Variants in ANO10 observed in about 807,000 individuals in gnomAD.
The protein encoded by ANO10 is anoctamin-10.
Under a neutral mutation model 74.7 loss-of-function variants are expected in ANO10, and 77 were observed. The ratio of observed to expected loss-of-function variants is 1.03; its 90% CI spans 0.86 to 1.25. The LOEUF (loss-of-function observed/expected upper bound fraction) is 1.25, where lower values mean the gene tolerates loss of function less well. Ranked by LOEUF, ANO10 falls within the 50% of genes most tolerant of loss-of-function variation. ANO10 has a pLI of 0.00. For synonymous variants in ANO10, 279 were observed against 284.9 expected (o/e 0.98, Z 0.21); for missense variants, 721 against 778.1 (o/e 0.93, Z 0.87).
At chr3:43,555,572 CAA>C in intron 9 of ANO10, 103 bp from the exon 10 acceptor site, 4 of 1,189,350 alleles carry the variant, frequency 3.4e-6, no homozygotes, top group Non-Finnish European at 4.8e-6. Flanking sequence ...AAAAAAACCT[CAA>C]AGAGTTTCCC....
rs546655717 is a variant in ANO10 at position 43,567,322 on chromosome 3, A to T, written c.1219-1595T>A. 1.7e-4 allele frequency among the ~76,000 whole-genome samples: 26 copies of T among 151,656 alleles called. No individual in the cohort carries two copies. In the East Asian group the frequency reaches 4.3e-3, roughly 25 times the overall value. On this transcript the variant is annotated intron_variant, in intron 7 of 12. Coordinates refer to ENST00000292246, the MANE Select transcript of ANO10 (RefSeq NM_018075.5). ...GGCAGGCCAACGTTCAGATTCAGGA[A>T]ATACAGAGAACGCCACAAAGATACT...
intron 7 of ANO10, among the ~76,000 whole-genome samples, chr3:43,566,192 C>T (rs989084487): frequency 2.0e-5 from 3 of 152,158 alleles, no homozygotes; most frequent in African/African-American, 4.8e-5. Flanking sequence ...CCTACGCCCA[C>T]GGAGTCTCGC....
chr3:43,390,523 C>G (rs1229748790), intron 12 of ANO10, among the ~76,000 whole-genome samples: 1 of 152,224 alleles, frequency 6.6e-6, no homozygotes, highest in Non-Finnish European at 1.5e-5. Context: ...GCCACATCTT[C>G]TATGAAGCCT....
intron 1 of ANO10, among the ~76,000 whole-genome samples, chr3:43,661,051 G>A (rs990275569): frequency 6.6e-6 from 1 of 152,120 alleles, no homozygotes; most frequent in Non-Finnish European, 1.5e-5. Flanking sequence ...GATATACAGA[G>A]ACCACTACAA....
intron 1 of ANO10, among the ~76,000 whole-genome samples, chr3:43,666,611 C>A (rs1270179052): frequency 1.3e-5 from 2 of 152,112 alleles, no homozygotes; most frequent in African/African-American, 4.8e-5. Context: ...TATCAATATT[C>A]TCAGTCCATT....
chr3:43,528,897 T>C (rs1252315026), intron 11 of ANO10, among the ~76,000 whole-genome samples: 3 of 151,298 alleles, frequency 2.0e-5, no homozygotes, highest in African/African-American at 7.3e-5. Flanking sequence ...AAGGTGGAGG[T>C]TGCAGTGAGC....
intron 1 of ANO10, among the ~76,000 whole-genome samples, chr3:43,648,785 T>C (rs986507228): frequency 6.6e-6 from 1 of 151,880 alleles, no homozygotes; most frequent in South Asian, 2.1e-4. Context: ...CACGCCATTC[T>C]TCTGCCTCAG....
chr3:43,481,272 C>G (rs2076259540), intron 11 of ANO10, among the ~76,000 whole-genome samples: 1 of 152,096 alleles, frequency 6.6e-6, no homozygotes, highest in South Asian at 2.1e-4. Context: ...ATATGAATTA[C>G]TTTTATAAAA....
intron 12 of ANO10, among the ~76,000 whole-genome samples, chr3:43,376,205 G>T (rs2125685622): frequency 1.3e-5 from 2 of 152,326 alleles, no homozygotes; most frequent in Admixed American, 1.3e-4. Context: ...AAATTATTCA[G>T]GAACAAGAAA....
chr3:43,679,877 G>A (rs1208237535), intron 1 of ANO10, among the ~76,000 whole-genome samples: 1 of 152,122 alleles, frequency 6.6e-6, no homozygotes, highest in East Asian at 1.9e-4. Flanking sequence ...GCAGCTGAGG[G>A]TCCTGTTAGA....
In ANO10 at chr3:43,583,608, C is replaced by T. The variant is rs772677050; in HGVS notation, c.473-3136G>A. On this transcript the variant is annotated intron_variant, in intron 4 of 12. Coordinates refer to ENST00000292246, the MANE Select transcript of ANO10 (RefSeq NM_018075.5). ...AGTAAAAGCAAAATCCCTCTCATAA[C>T]GCCTTACAGCATTTCTGTGGGACAG... 9.2e-5 allele frequency among the ~76,000 whole-genome samples: 14 copies of T among 152,196 alleles called. No individual in the cohort carries two copies. The South Asian group carries it at 1.0e-3, about 11-fold the overall frequency.
chr3:43,398,236 C>T (rs999464071), intron 12 of ANO10, among the ~76,000 whole-genome samples: 1 of 152,152 alleles, frequency 6.6e-6, no homozygotes. Context: ...TAAGACTTGG[C>T]TAGTGGCTTT....
chr3:43,555,257 A>T (rs1559692437), intron 10 of ANO10, 21 bp downstream of exon 10: 8 of 1,611,272 alleles, frequency 5.0e-6, no homozygotes, highest in East Asian at 2.2e-5. Context: ...TAAAGGAATA[A>T]TTTTTTTCTC....
At chr3:43,460,507 G>T (rs377363699) in intron 11 of ANO10, among the ~76,000 whole-genome samples, 1 of 152,178 alleles carries the variant, frequency 6.6e-6, no homozygotes, top group African/African-American at 2.4e-5. Context: ...TGGGGGATGG[G>T]CAGTGTATTC....
chr3:43,517,020 T>C (rs2077739646), intron 11 of ANO10, among the ~76,000 whole-genome samples: 1 of 152,128 alleles, frequency 6.6e-6, no homozygotes, highest in Non-Finnish European at 1.5e-5. Context: ...ATGAGTCGGC[T>C]GCACAGGCAG....
chr3:43,487,345 T>G (rs2076534813), intron 11 of ANO10, among the ~76,000 whole-genome samples: 1 of 152,170 alleles, frequency 6.6e-6, no homozygotes, highest in Non-Finnish European at 1.5e-5. Flanking sequence ...GATTCCCTCT[T>G]TTTCTATTGA....
At chr3:43,484,911 T>C in intron 11 of ANO10, 1 of 705,106 alleles carries the variant, frequency 1.4e-6, no homozygotes, top group Non-Finnish European at 2.3e-6. Flanking sequence ...TTTATGTCTT[T>C]TTTTTTTCAC....
intron 11 of ANO10, among the ~76,000 whole-genome samples, chr3:43,522,347 A>G (rs1407127557): frequency 1.3e-5 from 2 of 151,838 alleles, no homozygotes; most frequent in Non-Finnish European, 2.9e-5. Context: ...AAAAAGCTCT[A>G]CAGCTATTTC....
Position 43,390,120 on chromosome 3 carries a change from A to T in ANO10, c.1915-23146T>A, listed in dbSNP as rs570430886. Among the ~76,000 whole-genome samples the T allele has an allele frequency of 1.1e-3, 166 of 152,288 alleles. 1 individual carries two copies. Among genetic ancestry groups the T allele is most frequent in the African/African-American group, 3.8e-3 (159 of 41,562 alleles). ...CTTAGGGAAGTAGGGTCTCACACGA[A>T]CCCCACCTATGGTATTTAAAATGTG... On this transcript the variant is annotated intron_variant, in intron 12 of 12. Coordinates refer to ENST00000292246, the MANE Select transcript of ANO10 (RefSeq NM_018075.5).
Sources: allele counts gnomAD v4.1 joint callset (sites outside exome capture counted in the v4.1 genomes callset), GRCh38; gene constraint gnomAD v4.1.1; transcripts MANE v1.5; gene names NCBI Gene and HGNC (gene_info 2026-07-23, HGNC 2026-07-21).